The following CECR2 variants were observed in gnomAD, a reference collection of about 807,000 sequenced individuals.
CECR2 encodes CECR2 histone acetyl-lysine reader, also known as chromatin remodeling regulator CECR2.
A neutral mutation model predicts 154.5 loss-of-function variants in CECR2; 30 were observed. That is an observed-to-expected ratio of 0.19 (90% CI 0.15 to 0.26). The LOEUF (loss-of-function observed/expected upper bound fraction) is 0.26, where lower values mean the gene tolerates loss of function less well. CECR2 is among the 10% of genes least tolerant of loss of function. The probability of loss-of-function intolerance (pLI) is 1.00; values close to 1 mark genes in which losing one functional copy is unlikely to be tolerated. For missense variants in CECR2, 1,743 were observed against 1,829.3 expected (o/e 0.95, Z 0.86); for synonymous variants, 725 against 683.7 (o/e 1.06, Z -0.94).
chr22:17,447,412 C>T (rs1035093573), intron 1 of CECR2, among the ~76,000 whole-genome samples: 2 of 152,078 alleles, frequency 1.3e-5, no homozygotes, highest in East Asian at 1.9e-4. Flanking sequence ...CTCGGCCTCC[C>T]AAAGTGCTGG....
At chr22:17,500,759 G>A in intron 5 of CECR2, 24 bp downstream of exon 5, 1 of 1,472,446 alleles carries the variant, frequency 6.8e-7, no homozygotes, top group Admixed American at 2.2e-5. Flanking sequence ...GTTAGTTGTG[G>A]TCATAGACCA....
In CECR2 at chr22:17,540,651, C is replaced by G; in HGVS notation, c.1735C>G (p.Pro579Ala). Residue 579 changes from proline to alanine, a missense_variant, in exon 14 of 19, where the codon CCC (proline) becomes GCC (alanine). Physicochemically the swap from Pro to Ala is conservative, Grantham distance 27. Around this residue, in one of 4 missense-constraint regions of CECR2, gnomAD observed 1,250 missense variants for 1,192.1 expected, o/e 1.05. Coordinates refer to ENST00000262608, the MANE Select transcript of CECR2 (RefSeq NM_001290047.2). ...GGAGAATGGAGGAAAGTCGTTGCCC[C>G]CCACACGCCGAGCGCCCTCTTCTGG... is the stretch of plus-strand genomic sequence containing the variant. ...PMENGGKSLP[P>A]TRRAPSSGDD... The G allele has an allele frequency of 6.2e-7, 1 of 1,613,898 alleles. No individual in the cohort carries two copies. The highest frequency in any genetic ancestry group is 1.7e-5 in the Admixed American group (1 of 60,004).
rs1555910503 is a variant in CECR2 at position 17,447,033 on chromosome 22, CT to C, written c.127-30536del. Among the ~76,000 whole-genome samples, 522 of 114,090 alleles carry C rather than the reference CT, an allele frequency of 4.6e-3. 9 individuals carry two copies. The highest frequency in any genetic ancestry group is 0.016 in the Middle Eastern group (3 of 190). The allele number at this position is 114,090 out of a possible 152,430, so 74.8% of individuals were successfully genotyped here. ...GAGTGCTGAGTGGTGCGTTTACAAT[CT>C]TTTTTTTTTTTTTTTTTTGAGACAG... On this transcript the variant is annotated intron_variant, in intron 1 of 18. Coordinates refer to ENST00000262608, the MANE Select transcript of CECR2 (RefSeq NM_001290047.2).
Position 17,557,977 on chromosome 22 carries a change from C to T in CECR2, c.*5137C>T, listed in dbSNP as rs1160719843. 6.6e-6 allele frequency: 1 copy of T among 152,220 alleles called. No homozygotes were observed. The highest frequency in any genetic ancestry group is 1.5e-5 in the Non-Finnish European group (1 of 68,054). The allele number at this position is 152,220 out of a possible 1,614,324, so 9.4% of individuals were successfully genotyped here. A position where few individuals can be genotyped will look rare whatever the true frequency, so the allele number is the denominator to read the frequency against. On this transcript the variant is annotated 3_prime_UTR_variant, in exon 19 of 19. Coordinates refer to ENST00000262608, the MANE Select transcript of CECR2 (RefSeq NM_001290047.2). Reference sequence around the variant, plus strand: ...TATATTGTGTATATTTTGTCGTGGTCTGCTGATTCCCTGTTTCACTGAGAG... The same window carrying T: ...TATATTGTGTATATTTTGTCGTGGTTTGCTGATTCCCTGTTTCACTGAGAG...
rs60474818 is a variant in CECR2, at chr22:17,428,798, TTGTGTGTGTG to T, written c.127-48770_127-48761del. On this transcript the variant is annotated intron_variant, in intron 1 of 18. Transcript: ENST00000262608. ...CAGATGAGAAAAATAATGTTTTTATTTGTGTGTGTGTGTGTGTGTGTGTGTGTGTATATAA... is the reference window on the plus strand; with the variant it reads ...CAGATGAGAAAAATAATGTTTTTATTTGTGTGTGTGTGTGTGTGTATATAA... Among the ~76,000 whole-genome samples, 219 of 136,422 alleles carry T rather than the reference TTGTGTGTGTG, an allele frequency of 1.6e-3. 1 individual carries two copies. The highest frequency in any genetic ancestry group is 0.013 in the South Asian group (54 of 4,276). 89.5% of individuals were successfully genotyped at this position (136,422 alleles called of 152,430 possible). A position where few individuals can be genotyped will look rare whatever the true frequency, so the allele number is the denominator to read the frequency against.
At chr22:17,413,517 AT>A in intron 1 of CECR2, among the ~76,000 whole-genome samples, 1 of 152,196 alleles carries the variant, frequency 6.6e-6, no homozygotes, top group South Asian at 2.1e-4. Flanking sequence ...AGCAGGGAAA[AT>A]AGGTAGAGTC....
intron 1 of CECR2, among the ~76,000 whole-genome samples, chr22:17,426,513 C>T (rs149673352): frequency 0.012 from 1,822 of 152,300 alleles, 34 homozygotes; most frequent in African/African-American, 0.04. Flanking sequence ...TGCACCACCA[C>T]GCCCAGCTAA....
intron 1 of CECR2, among the ~76,000 whole-genome samples, chr22:17,465,858 A>G (rs901001684): frequency 2.0e-4 from 31 of 151,792 alleles, no homozygotes; most frequent in Admixed American, 9.2e-4. Context: ...TCCTCAAGCA[A>G]TCCACCTACC....
chr22:17,403,140 C>A (rs1269696942), intron 1 of CECR2, among the ~76,000 whole-genome samples: 1 of 152,218 alleles, frequency 6.6e-6, no homozygotes, highest in Non-Finnish European at 1.5e-5. Flanking sequence ...TCAGCGTGGA[C>A]TCATTGATAC....
intron 1 of CECR2, among the ~76,000 whole-genome samples, chr22:17,372,653 G>C (rs1441499169): frequency 2.0e-5 from 3 of 152,184 alleles, no homozygotes; most frequent in Non-Finnish European, 4.4e-5. Context: ...GGGCGACAGG[G>C]CGAGACTCTG....
At chr22:17,527,453 G>A (rs1170243162) in intron 9 of CECR2, among the ~76,000 whole-genome samples, 1 of 151,674 alleles carries the variant, frequency 6.6e-6, no homozygotes, top group Middle Eastern at 3.4e-3. Context: ...GCGAGACCCT[G>A]TCTCAAAAAA....
At chr22:17,543,408 A>G (rs555118104) in intron 16 of CECR2, among the ~76,000 whole-genome samples, 27 of 151,986 alleles carry the variant, frequency 1.8e-4, no homozygotes, top group Non-Finnish European at 3.8e-4. Flanking sequence ...TACTGGGATT[A>G]CAGGCCCACC....
At chr22:17,422,937 C>A (rs2054278803) in intron 1 of CECR2, among the ~76,000 whole-genome samples, 1 of 152,268 alleles carries the variant, frequency 6.6e-6, no homozygotes, top group South Asian at 2.1e-4. Flanking sequence ...CCATTAGAGT[C>A]CTTCACATTA....
intron 2 of CECR2, among the ~76,000 whole-genome samples, chr22:17,492,585 TAGAG>T (rs2055551407): frequency 6.6e-6 from 1 of 151,932 alleles, no homozygotes; most frequent in South Asian, 2.1e-4. Flanking sequence ...CTTTCACTCA[TAGAG>T]GGAAAAAAAG....
At chr22:17,444,711 C>T (rs1365196744) in intron 1 of CECR2, among the ~76,000 whole-genome samples, 1 of 152,108 alleles carries the variant, frequency 6.6e-6, no homozygotes, top group Non-Finnish European at 1.5e-5. Flanking sequence ...TCACACCAAA[C>T]TGAACCCAGC....
intron 1 of CECR2, among the ~76,000 whole-genome samples, chr22:17,434,808 G>A (rs559598146): frequency 6.6e-6 from 1 of 152,214 alleles, no homozygotes; most frequent in African/African-American, 2.4e-5. Context: ...TTTTTACCTA[G>A]TCAGAGAGTA....
At chr22:17,518,129 TCTA>T (rs695685) in intron 8 of CECR2, among the ~76,000 whole-genome samples, 21,305 of 152,088 alleles carry the variant, frequency 0.14, 1,920 homozygotes, top group Non-Finnish European at 0.2. Context: ...ATCAGTCTCT[TCTA>T]CTTCCTTTCT....
upstream of CECR2, among the ~76,000 whole-genome samples, chr22:17,367,010 A>C (rs2063005441): frequency 6.6e-6 from 1 of 152,158 alleles, no homozygotes; most frequent in Non-Finnish European, 1.5e-5. Flanking sequence ...CAGAACAGAG[A>C]AGACCCTCAG....
At chr22:17,484,840 A>T (rs914479603) in intron 2 of CECR2, among the ~76,000 whole-genome samples, 4 of 152,202 alleles carry the variant, frequency 2.6e-5, no homozygotes, top group African/African-American at 9.7e-5. Context: ...ATCATGCCAC[A>T]GCACTCCAGC....
Sources: gnomAD v4.1 joint callset for allele counts (sites outside exome capture counted in the v4.1 genomes callset) on GRCh38, gnomAD v4.1.1 for gene constraint, gnomAD v4.1.1 regional missense constraint, MANE v1.5 for transcripts, NCBI Gene and HGNC (gene_info 2026-07-23, HGNC 2026-07-21) for gene names.